ELAPOR2: variants seen among roughly 807,000 people sequenced by gnomAD.
ELAPOR2 encodes the protein endosome-lysosome associated apoptosis and autophagy regulator family member 2, also known as endosome/lysosome-associated apoptosis and autophagy regulator family member 2.
ELAPOR2 carries 89 observed loss-of-function variants against 120.7 expected under a neutral mutation model. That is an observed-to-expected ratio of 0.74 (90% CI 0.62 to 0.88). The LOEUF (loss-of-function observed/expected upper bound fraction) is 0.88. Ranked by LOEUF, ELAPOR2 falls within the 40% of genes least tolerant of loss-of-function variation. ELAPOR2 has a pLI of 0.00. For synonymous variants in ELAPOR2, 444 were observed against 444.9 expected (o/e 1.00, Z 0.03); for missense variants, 1,134 against 1,251.6 (o/e 0.91, Z 1.42).
intron 1 of ELAPOR2, among the ~76,000 whole-genome samples, chr7:86,986,568 A>AGG (rs199826831): frequency 2.0e-5 from 3 of 149,138 alleles, no homozygotes; most frequent in African/African-American, 7.5e-5. Context: ...AGACAAACAG[A>AGG]CAAATCATGA....
chr7:87,048,230 G>A (rs919124286), intron 1 of ELAPOR2, among the ~76,000 whole-genome samples: 1 of 150,256 alleles, frequency 6.7e-6, no homozygotes, highest in Non-Finnish European at 1.5e-5. Flanking sequence ...GCGACAGAGT[G>A]AGACTTCATC....
At chr7:86,916,011 T>C (rs1282477923) in intron 12 of ELAPOR2, among the ~76,000 whole-genome samples, 2 of 152,150 alleles carry the variant, frequency 1.3e-5, no homozygotes, top group Non-Finnish European at 2.9e-5. Context: ...TGTGAAGCAC[T>C]ACATGATATT....
At chr7:87,034,444 T>C (rs140486350) in intron 1 of ELAPOR2, among the ~76,000 whole-genome samples, 108 of 152,158 alleles carry the variant, frequency 7.1e-4, no homozygotes, top group African/African-American at 2.5e-3. Flanking sequence ...CTGGAATGCA[T>C]ATATTGCTTT....
chr7:86,941,612 A>T (rs1463827276), intron 5 of ELAPOR2, among the ~76,000 whole-genome samples: 1 of 152,080 alleles, frequency 6.6e-6, no homozygotes, highest in Non-Finnish European at 1.5e-5. Flanking sequence ...AGATCCTTCC[A>T]ATGAAAAGAG....
intron 3 of ELAPOR2, among the ~76,000 whole-genome samples, chr7:86,945,497 T>C (rs1790962370): frequency 6.6e-6 from 1 of 152,206 alleles, no homozygotes; most frequent in Non-Finnish European, 1.5e-5. Flanking sequence ...GTGTGTCATG[T>C]GAAATGAACT....
In ELAPOR2 at chr7:86,987,813, G is replaced by A. The variant is rs368642191; in HGVS notation, c.190-22789C>T. 5.6e-4 allele frequency among the ~76,000 whole-genome samples: 86 copies of A among 152,266 alleles called. 1 individual carries two copies. The Middle Eastern group carries it at 0.014, about 24-fold the overall frequency. ...ATGATTCCTCAAGGATCTAGAGGTA[G>A]AAATACCATTTGACCCAGCGATCCT... is the stretch of plus-strand genomic sequence containing the variant. On this transcript the variant is annotated intron_variant, in intron 1 of 21. Transcript: ENST00000450689.
At chr7:87,022,846 T>C (rs1794103778) in intron 1 of ELAPOR2, among the ~76,000 whole-genome samples, 1 of 151,984 alleles carries the variant, frequency 6.6e-6, no homozygotes, top group African/African-American at 2.4e-5. Context: ...TGAGCATTTT[T>C]TCATGTGTTT....
chr7:87,058,462 T>G (rs1297487520), intron 1 of ELAPOR2, among the ~76,000 whole-genome samples: 2 of 151,874 alleles, frequency 1.3e-5, no homozygotes, highest in Non-Finnish European at 2.9e-5. Flanking sequence ...ATTAAGAGGA[T>G]GCACTTTCTG....
intron 2 of ELAPOR2, among the ~76,000 whole-genome samples, chr7:86,948,187 C>G (rs1791082910): frequency 6.6e-6 from 1 of 152,152 alleles, no homozygotes; most frequent in South Asian, 2.1e-4. Flanking sequence ...CTGTTGTGGT[C>G]TTCTTTCCTA....
In ELAPOR2 at chr7:86,946,095, T is replaced by A. The variant is rs567017792; in HGVS notation, c.507-1049A>T. ...AATAAACACATGAACAATAAACACA[T>A]GAAACATGTTTGACATTATTATCCA... is the stretch of plus-strand genomic sequence containing the variant. On this transcript the variant is annotated intron_variant, in intron 3 of 21. Coordinates refer to ENST00000450689, the MANE Select transcript of ELAPOR2 (RefSeq NM_001142749.3). 2.0e-5 allele frequency among the ~76,000 whole-genome samples: 3 copies of A among 151,186 alleles called. No homozygotes were observed. In the East Asian group the frequency reaches 5.8e-4, roughly 29 times the overall value.
intron 1 of ELAPOR2, among the ~76,000 whole-genome samples, chr7:87,011,200 G>A (rs963003397): frequency 1.6e-5 from 2 of 126,656 alleles, no homozygotes; most frequent in African/African-American, 6.6e-5. Flanking sequence ...CACGGGAAGT[G>A]GAGGTTGCAG....
chr7:87,058,751 T>C (rs1424677491), intron 1 of ELAPOR2, among the ~76,000 whole-genome samples: 2 of 152,168 alleles, frequency 1.3e-5, no homozygotes, highest in African/African-American at 2.4e-5. Context: ...CATACTCCTT[T>C]TTTTTCCCCC....
intron 18 of ELAPOR2, among the ~76,000 whole-genome samples, chr7:86,899,955 C>T (rs890126747): frequency 6.6e-6 from 1 of 151,556 alleles, no homozygotes; most frequent in Non-Finnish European, 1.5e-5. Flanking sequence ...ATAAAATATC[C>T]ATACTTTCCA....
chr7:86,893,578 G>A (rs1285338495), intron 19 of ELAPOR2, among the ~76,000 whole-genome samples: 1 of 151,808 alleles, frequency 6.6e-6, no homozygotes, highest in Non-Finnish European at 1.5e-5. Context: ...CCTGTCCTCC[G>A]AATGGAAGAA....
At chr7:86,907,830 A>G in intron 17 of ELAPOR2, 59 bp from the exon 18 acceptor site, 1 of 880,160 alleles carries the variant, frequency 1.1e-6, no homozygotes, top group South Asian at 2.2e-5. Flanking sequence ...ACAAAGACAA[A>G]AATATGGGAA....
At chr7:86,979,864 C>A (rs191861373) in intron 1 of ELAPOR2, among the ~76,000 whole-genome samples, 1 of 152,166 alleles carries the variant, frequency 6.6e-6, no homozygotes, top group African/African-American at 2.4e-5. Flanking sequence ...GTGGGTTCTT[C>A]GTTTCTGTTT....
chr7:86,966,778 C>T (rs1213778488), intron 1 of ELAPOR2, among the ~76,000 whole-genome samples: 2 of 152,186 alleles, frequency 1.3e-5, no homozygotes, highest in East Asian at 1.9e-4. Flanking sequence ...AGGCCACACT[C>T]CCTTAGGCAG....
chr7:86,937,793 G>A (rs1790628407), intron 8 of ELAPOR2, among the ~76,000 whole-genome samples: 1 of 151,992 alleles, frequency 6.6e-6, no homozygotes, highest in Non-Finnish European at 1.5e-5. Context: ...GTAATTTATT[G>A]AGCACTATGT....
At chr7:86,967,677 A>C (rs1337800396) in intron 1 of ELAPOR2, among the ~76,000 whole-genome samples, 2 of 152,182 alleles carry the variant, frequency 1.3e-5, no homozygotes, top group Non-Finnish European at 2.9e-5. Context: ...GCCAGTTATG[A>C]GATGAGAACA....
Sources: gnomAD v4.1 joint callset for allele counts (sites outside exome capture counted in the v4.1 genomes callset) on GRCh38, gnomAD v4.1.1 for gene constraint, MANE v1.5 for transcripts, NCBI Gene and HGNC (gene_info 2026-07-23, HGNC 2026-07-21) for gene names.